The following NBAS variants were observed in gnomAD, a reference collection of about 807,000 sequenced individuals.
The protein encoded by NBAS is NAG/BC035112 fusion.
NBAS carries 219 observed loss-of-function variants against 302.5 expected under a neutral mutation model. The ratio of observed to expected loss-of-function variants is 0.72; its 90% CI spans 0.65 to 0.81. The LOEUF is 0.81. NBAS is among the 30% of genes least tolerant of loss of function. NBAS has a pLI of 0.00. For missense variants in NBAS, 2,932 were observed against 2,841.6 expected, an observed-to-expected ratio of 1.03 and a Z score of -0.72; for synonymous variants, 1,118 against 1,021.6, an observed-to-expected ratio of 1.09 and a Z score of -1.80.
chr2:15,367,860 T>C (rs1674285226), intron 31 of NBAS, among the ~76,000 whole-genome samples: 1 of 152,220 alleles, frequency 6.6e-6, no homozygotes, highest in Admixed American at 6.5e-5. Flanking sequence ...AGAAATCCTC[T>C]ATACTCTTTG....
At chr2:15,545,440 G>A (rs949287962) in intron 6 of NBAS, among the ~76,000 whole-genome samples, 1 of 152,042 alleles carries the variant, frequency 6.6e-6, no homozygotes, top group African/African-American at 2.4e-5. Context: ...AAGAGAAAAG[G>A]GAAAAATACC....
chr2:15,318,197 CT>C (rs1041373853), intron 38 of NBAS, among the ~76,000 whole-genome samples: 2 of 152,116 alleles, frequency 1.3e-5, no homozygotes, highest in African/African-American at 4.8e-5. Context: ...CAAGCAAATG[CT>C]GAGATTTTGT....
At chr2:14,982,208 A>G in the NBAS span, among the ~76,000 whole-genome samples, 1 of 152,136 alleles carries the variant, frequency 6.6e-6, no homozygotes, top group South Asian at 2.1e-4. Flanking sequence ...GCCAACAACC[A>G]GCACCATCCC....
the NBAS span, among the ~76,000 whole-genome samples, chr2:15,067,468 A>G: frequency 8.7e-5 from 10 of 114,658 alleles, no homozygotes; most frequent in East Asian, 5.7e-4. Context: ...AGGAGGGGAG[A>G]GGAGGGGAGA....
At chr2:15,248,283 C>T (rs1304579227) in intron 44 of NBAS, among the ~76,000 whole-genome samples, 1 of 152,166 alleles carries the variant, frequency 6.6e-6, no homozygotes, top group Non-Finnish European at 1.5e-5. Flanking sequence ...GTACCAGAAT[C>T]TCTGGGACAC....
At chr2:14,855,650 G>A in the NBAS span, among the ~76,000 whole-genome samples, 2 of 152,120 alleles carry the variant, frequency 1.3e-5, no homozygotes, top group African/African-American at 2.4e-5. Context: ...TCATGGCCTG[G>A]GGTAGCAGTG....
chr2:15,268,790 G>T (rs1018857848), intron 44 of NBAS, among the ~76,000 whole-genome samples: 7 of 152,048 alleles, frequency 4.6e-5, no homozygotes, highest in African/African-American at 1.7e-4. Context: ...CAATAAAGCT[G>T]GTATTTTCCT....
chr2:15,047,338 T>C, the NBAS span, among the ~76,000 whole-genome samples: 1 of 152,248 alleles, frequency 6.6e-6, no homozygotes, highest in African/African-American at 2.4e-5. Flanking sequence ...GCAAACCAAG[T>C]GGCAGGTGAA....
the NBAS span, among the ~76,000 whole-genome samples, chr2:15,101,704 T>A: frequency 6.6e-6 from 1 of 152,148 alleles, no homozygotes; most frequent in Admixed American, 6.6e-5. Context: ...CCAATGTCAA[T>A]ATTCATTCAG....
intron 48 of NBAS, among the ~76,000 whole-genome samples, chr2:15,197,725 A>T (rs1197656046): frequency 6.6e-6 from 1 of 152,130 alleles, no homozygotes; most frequent in African/African-American, 2.4e-5. Flanking sequence ...ACTTCCTCCC[A>T]TTACTATGTT....
chr2:15,015,623 T>C, the NBAS span, among the ~76,000 whole-genome samples: 1 of 152,078 alleles, frequency 6.6e-6, no homozygotes, highest in East Asian at 1.9e-4. Context: ...AAATAAGGTA[T>C]AGAAGGAAAG....
intron 23 of NBAS, among the ~76,000 whole-genome samples, chr2:15,424,050 T>C (rs963318067): frequency 7.2e-5 from 11 of 152,190 alleles, no homozygotes; most frequent in Non-Finnish European, 1.5e-5. Flanking sequence ...ACGAAAAATA[T>C]ATAGAAAACA....
At chr2:15,374,221 T>C (rs139706657) in intron 31 of NBAS, among the ~76,000 whole-genome samples, 8 of 152,342 alleles carry the variant, frequency 5.3e-5, no homozygotes, top group Admixed American at 4.6e-4. Flanking sequence ...CTATTTTTAT[T>C]TATAGCTAGT....
the NBAS span, among the ~76,000 whole-genome samples, chr2:14,976,975 G>A: frequency 2.0e-5 from 3 of 152,068 alleles, no homozygotes; most frequent in Non-Finnish European, 4.4e-5. Context: ...TAAAGTTTGT[G>A]GTAATTTATT....
Position 15,283,754 on chromosome 2 carries a change from T to C in NBAS, c.5138+3319A>G, listed in dbSNP as rs1260216119. 3.3e-5 allele frequency among the ~76,000 whole-genome samples: 5 copies of C among 152,206 alleles called. No individual in the cohort carries two copies. The East Asian group carries it at 9.6e-4, about 29-fold the overall frequency. On this transcript the variant is annotated intron_variant, in intron 42 of 51. Transcript: ENST00000281513. ...TCACAACCCTCTAAGGTGAGGATAA[T>C]GATCCCTGTAACCCAGAAAACAGCG...
intron 21 of NBAS, among the ~76,000 whole-genome samples, chr2:15,455,204 A>T (rs1679196873): frequency 6.6e-6 from 1 of 152,270 alleles, no homozygotes; most frequent in Non-Finnish European, 1.5e-5. Context: ...CACCCGGCCG[A>T]TGCTATAATT....
At chr2:15,557,272 C>T (rs539577354) in intron 2 of NBAS, among the ~76,000 whole-genome samples, 3 of 152,234 alleles carry the variant, frequency 2.0e-5, no homozygotes, top group East Asian at 1.9e-4. Context: ...ACCTCTAACA[C>T]GCTATAAAAA....
chr2:15,330,266 T>A (rs1672264171), intron 36 of NBAS, among the ~76,000 whole-genome samples: 2 of 152,194 alleles, frequency 1.3e-5, no homozygotes, highest in Admixed American at 1.3e-4. Flanking sequence ...CCAGTCTGCC[T>A]CCGAGCACTC....
chr2:15,346,107 C>T (rs961311168), intron 35 of NBAS, among the ~76,000 whole-genome samples: 2 of 152,144 alleles, frequency 1.3e-5, no homozygotes, highest in African/African-American at 2.4e-5. Flanking sequence ...GCAAAGACTT[C>T]ATGACAAAAA....
Sources: gnomAD v4.1 joint callset for allele counts (sites outside exome capture counted in the v4.1 genomes callset) on GRCh38, gnomAD v4.1.1 for gene constraint, MANE v1.5 for transcripts, NCBI Gene and HGNC (gene_info 2026-07-23, HGNC 2026-07-21) for gene names.